The following COPB1 variants were observed in gnomAD, a reference collection of about 807,000 sequenced individuals.
COPB1 encodes the protein coatomer subunit beta.
Under a neutral mutation model 108.7 loss-of-function variants are expected in COPB1, and 21 were observed. The ratio of observed to expected loss-of-function variants is 0.19; its 90% CI spans 0.14 to 0.28. COPB1 has a LOEUF of 0.28. Among genes scored for constraint, COPB1 ranks in the 10% least tolerant of loss-of-function variants. The probability of loss-of-function intolerance (pLI) is 1.00; values close to 1 mark genes in which losing one functional copy is unlikely to be tolerated. For missense variants in COPB1, 919 were observed against 1,141.3 expected, an observed-to-expected ratio of 0.81 and a Z score of 2.81; for synonymous variants, 378 against 386.8, an observed-to-expected ratio of 0.98 and a Z score of 0.27.
chr11:14,479,757 CGAAAA>C, intron 10 of COPB1, 43 bp from the exon 11 acceptor site: 1 of 1,504,230 alleles, frequency 6.6e-7, no homozygotes, highest in Non-Finnish European at 8.9e-7. Context: ...TAACAATTTT[CGAAAA>C]GAAAATTATC....
intron 2 of COPB1, 166 bp from the exon 3 acceptor site, chr11:14,494,605 C>T (rs1850976824): frequency 1.8e-6 from 1 of 559,258 alleles, no homozygotes; most frequent in South Asian, 2.4e-5. Flanking sequence ...TGGTTCTCCA[C>T]CAAATAATCT....
At chr11:14,493,095 G>A (rs2575864) in intron 4 of COPB1, among the ~76,000 whole-genome samples, 101,002 of 152,116 alleles carry the variant, frequency 0.66, 33,754 homozygotes, top group African/African-American at 0.7. Context: ...GTTGTGAGCC[G>A]AGATCGCGCC....
chr11:14,460,048 G>A, intron 20 of COPB1, 160 bp downstream of exon 20: 1 of 550,054 alleles, frequency 1.8e-6, no homozygotes, highest in Non-Finnish European at 3.2e-6. Flanking sequence ...CCAATAGAAA[G>A]AGGTAAGCAG....
intron 11 of COPB1, among the ~76,000 whole-genome samples, chr11:14,477,444 C>T (rs1850552036): frequency 6.7e-6 from 1 of 149,826 alleles, no homozygotes; most frequent in Non-Finnish European, 1.5e-5. Context: ...GTAATCCTAG[C>T]ACATTCGGAG....
intron 18 of COPB1, among the ~76,000 whole-genome samples, chr11:14,461,802 G>A (rs952043755): frequency 4.6e-5 from 7 of 152,128 alleles, no homozygotes; most frequent in African/African-American, 1.2e-4. Flanking sequence ...AATGATACAA[G>A]ATTAGTCATC....
intron 14 of COPB1, among the ~76,000 whole-genome samples, chr11:14,473,650 A>G (rs1442842166): frequency 4.6e-5 from 7 of 152,192 alleles, no homozygotes; most frequent in Non-Finnish European, 1.0e-4. Context: ...TCCCAAAACA[A>G]CTATGATAGT....
In COPB1 at chr11:14,469,323, A is replaced by G. The variant is rs755469925; in HGVS notation, c.1965+13T>C. 1.4e-5 allele frequency: 23 copies of G among 1,605,860 alleles called. No homozygotes were observed. The South Asian group carries it at 1.9e-4, about 13-fold the overall frequency. ...CACAAAACACTTTTGTTGCCTCATC[A>G]TATATACCTTACCTTTTGGGATAAT... On this transcript the variant is annotated intron_variant, in intron 15 of 21. Transcript: ENST00000439561.
Position 14,473,395 on chromosome 11 carries a change from G to T in COPB1, c.1737+1100C>A, listed in dbSNP as rs79103203. Among the ~76,000 whole-genome samples the T allele has an allele frequency of 1.8e-3, 273 of 152,290 alleles. 1 individual carries two copies. The highest frequency in any genetic ancestry group is 6.2e-3 in the African/African-American group (258 of 41,546). ...GCAGCCTAGCTTTTGGCTTAGCTCA[G>T]CTTTTGACATGCATTCCTTACTAAG... On this transcript the variant is annotated intron_variant, in intron 14 of 21. Coordinates refer to ENST00000439561, the MANE Select transcript of COPB1 (RefSeq NM_001144061.2).
chr11:14,494,563 A>G, intron 2 of COPB1, 124 bp from the exon 3 acceptor site: 1 of 613,614 alleles, frequency 1.6e-6, no homozygotes, highest in South Asian at 2.1e-5. Context: ...ATGGTAATAA[A>G]AGTACAAACC....
At chr11:14,493,840 T>C in intron 3 of COPB1, 29 bp from the exon 4 acceptor site, 3 of 1,490,612 alleles carry the variant, frequency 2.0e-6, no homozygotes, top group Non-Finnish European at 2.7e-6. Flanking sequence ...TATGAAATGC[T>C]GAGTTTCAGC....
intron 8 of COPB1, among the ~76,000 whole-genome samples, chr11:14,481,792 T>A (rs1850666061): frequency 6.6e-6 from 1 of 152,140 alleles, no homozygotes; most frequent in Non-Finnish European, 1.5e-5. Flanking sequence ...CCACATTTGC[T>A]CTTTTCTTTT....
intron 17 of COPB1, among the ~76,000 whole-genome samples, 200 bp from the exon 18 acceptor site, chr11:14,465,230 A>C (rs919712974): frequency 7.9e-5 from 12 of 152,166 alleles, no homozygotes; most frequent in Non-Finnish European, 1.5e-5. Context: ...CCACTTAACC[A>C]TCCTTATTAT....
chr11:14,491,661 C>A (rs1465105367), intron 4 of COPB1, among the ~76,000 whole-genome samples: 1 of 70,072 alleles, frequency 1.4e-5, no homozygotes. Flanking sequence ...AAGAGTGAAA[C>A]TCTGTCTCAA....
chr11:14,481,651 A>G (rs1335617283), intron 8 of COPB1, among the ~76,000 whole-genome samples: 3 of 152,212 alleles, frequency 2.0e-5, no homozygotes, highest in African/African-American at 4.8e-5. Context: ...GTTAAATGTG[A>G]TATTATTTGA....
intron 18 of COPB1, among the ~76,000 whole-genome samples, 191 bp downstream of exon 18, chr11:14,464,720 G>C (rs1436037777): frequency 1.3e-5 from 2 of 152,060 alleles, no homozygotes; most frequent in African/African-American, 2.4e-5. Context: ...GTTTCTAGAG[G>C]ACAGTGACTC....
rs1850872891 is a variant in COPB1 at position 14,490,457 on chromosome 11, C to T, written c.606+108G>A. On this transcript the variant is annotated intron_variant, in intron 5 of 21. Transcript: ENST00000439561. ...TAAAAATTTCAAAATACACAAACCA[C>T]ATGAACTATAAACAAAATTACTGAC... 10 of 614,054 alleles carry T rather than the reference C, an allele frequency of 1.6e-5. No individual in the cohort carries two copies. In the African/African-American group the frequency reaches 1.7e-4, roughly 11 times the overall value. 38.0% of individuals were successfully genotyped at this position (614,054 alleles called of 1,614,324 possible).
chr11:14,490,216 G>A (rs1850865707), intron 5 of COPB1, among the ~76,000 whole-genome samples: 1 of 152,132 alleles, frequency 6.6e-6, no homozygotes, highest in South Asian at 2.1e-4. Flanking sequence ...CACAGGCATG[G>A]CTAAGGATGT....
chr11:14,477,158 C>T (rs142530576), intron 11 of COPB1, 143 bp from the exon 12 acceptor site: 11,982 of 577,578 alleles, frequency 0.021, 192 homozygotes, highest in Admixed American at 0.043. Context: ...CCGAGGCGGG[C>T]GGATCACGAG....
chr11:14,480,276 T>C (rs1850633230), intron 10 of COPB1, among the ~76,000 whole-genome samples: 1 of 152,150 alleles, frequency 6.6e-6, no homozygotes, highest in Non-Finnish European at 1.5e-5. Flanking sequence ...ATAAATGAAT[T>C]CGATCCTCCT....
Sources: allele counts gnomAD v4.1 joint callset (sites outside exome capture counted in the v4.1 genomes callset), GRCh38; gene constraint gnomAD v4.1.1; transcripts MANE v1.5; gene names NCBI Gene and HGNC (gene_info 2026-07-23, HGNC 2026-07-21).